KIAA1671: variants seen among roughly 807,000 people sequenced by gnomAD.
The protein encoded by KIAA1671 is KIAA1671.
Under a neutral mutation model 131.2 loss-of-function variants are expected in KIAA1671, and 52 were observed. That is an observed-to-expected ratio of 0.40 (90% CI 0.32 to 0.50). The LOEUF (loss-of-function observed/expected upper bound fraction) is 0.50, where lower values mean the gene tolerates loss of function less well. Ranked by LOEUF, KIAA1671 falls within the 20% of genes least tolerant of loss-of-function variation. The probability of loss-of-function intolerance (pLI) is 0.73; values close to 1 mark genes in which losing one functional copy is unlikely to be tolerated. For synonymous variants in KIAA1671, 1,003 were observed against 961.6 expected (o/e 1.04, Z -0.80); for missense variants, 2,360 against 2,364.2 (o/e 1.00, Z 0.04).
intron 6 of KIAA1671, chr22:25,112,346 T>C (rs921618091): frequency 7.5e-6 from 3 of 398,876 alleles, no homozygotes; most frequent in East Asian, 3.6e-5. Flanking sequence ...GCGTACTTCC[T>C]CCTTCCGACA....
At chr22:25,132,698 T>C (rs1225424083) in intron 6 of KIAA1671, among the ~76,000 whole-genome samples, 1 of 152,196 alleles carries the variant, frequency 6.6e-6, no homozygotes, top group African/African-American at 2.4e-5. Context: ...TGAAGATCCC[T>C]GTTACAGGTT....
chr22:25,112,631 C>A, intron 6 of KIAA1671: 1 of 380,162 alleles, frequency 2.6e-6, no homozygotes, highest in Non-Finnish European at 4.7e-6. Flanking sequence ...GAAAGAGGCA[C>A]GTAGCAATAA....
At chr22:25,088,432 C>G (rs1929849276) in intron 6 of KIAA1671, among the ~76,000 whole-genome samples, 1 of 152,124 alleles carries the variant, frequency 6.6e-6, no homozygotes, top group African/African-American at 2.4e-5. Flanking sequence ...TCCTCAAACA[C>G]TTACTGAGTA....
intron 6 of KIAA1671, among the ~76,000 whole-genome samples, chr22:25,099,694 T>C (rs891187743): frequency 7.9e-5 from 12 of 151,970 alleles, no homozygotes; most frequent in African/African-American, 2.7e-4. Flanking sequence ...TTTGTATTTT[T>C]AGTAGAGATG....
At chr22:25,021,804 T>TGGGG (rs1925683287) in intron 1 of KIAA1671, among the ~76,000 whole-genome samples, 1 of 151,414 alleles carries the variant, frequency 6.6e-6, no homozygotes, top group African/African-American at 2.4e-5. Context: ...ATTTTTTTTT[T>TGGGG]GGGATGGAGT....
chr22:25,044,785 A>G (rs995785616), intron 5 of KIAA1671, among the ~76,000 whole-genome samples: 3 of 152,230 alleles, frequency 2.0e-5, no homozygotes, highest in Non-Finnish European at 4.4e-5. Context: ...ACTTTCCTAT[A>G]TTGACAGTCA....
At chr22:24,992,785 A>G (rs1162276176) in intron 1 of KIAA1671, among the ~76,000 whole-genome samples, 1 of 123,226 alleles carries the variant, frequency 8.1e-6, no homozygotes, top group Non-Finnish European at 1.6e-5. Context: ...ATTGCACTCC[A>G]GCCTAGGTGA....
At chr22:24,965,928 G>C (rs980313622) in intron 1 of KIAA1671, among the ~76,000 whole-genome samples, 3 of 152,162 alleles carry the variant, frequency 2.0e-5, no homozygotes, top group African/African-American at 7.2e-5. Context: ...TTATAGGCCA[G>C]TTCCTCTGAC....
chr22:25,048,593 A>G (rs1037838184), intron 5 of KIAA1671, among the ~76,000 whole-genome samples: 1 of 152,202 alleles, frequency 6.6e-6, no homozygotes, highest in South Asian at 2.1e-4. Flanking sequence ...TGAAGCATAT[A>G]AAATATGCAT....
chr22:25,067,677 C>G (rs1928552655), intron 6 of KIAA1671, among the ~76,000 whole-genome samples: 1 of 152,160 alleles, frequency 6.6e-6, no homozygotes, highest in Non-Finnish European at 1.5e-5. Context: ...TCTCTGGCAT[C>G]CTGTCTGCCT....
intron 6 of KIAA1671, among the ~76,000 whole-genome samples, chr22:25,114,132 G>A (rs1004783071): frequency 2.6e-5 from 4 of 152,176 alleles, no homozygotes; most frequent in Non-Finnish European, 5.9e-5. Context: ...TCCGTGTTGC[G>A]TCGAGATGCC....
Position 25,169,559 on chromosome 22 carries a change from T to G in KIAA1671, c.4531-1261T>G, listed in dbSNP as rs371473204. Among the ~76,000 whole-genome samples the G allele has an allele frequency of 7.9e-5, 12 of 152,330 alleles. No homozygotes were observed. The East Asian group carries it at 1.3e-3, about 17-fold the overall frequency. On this transcript the variant is annotated intron_variant, in intron 6 of 12. Coordinates refer to ENST00000358431, the MANE Select transcript of KIAA1671 (RefSeq NM_001145206.2). ...TTGGTTTTGTCTTGAGGGCACCAGCTTCTCCCCACTCAACAAAGCACAAGC... is the reference window on the plus strand; with the variant it reads ...TTGGTTTTGTCTTGAGGGCACCAGCGTCTCCCCACTCAACAAAGCACAAGC...
At chr22:25,094,476 T>C (rs372079785) in intron 6 of KIAA1671, among the ~76,000 whole-genome samples, 168 of 152,140 alleles carry the variant, frequency 1.1e-3, no homozygotes, top group African/African-American at 3.6e-3. Context: ...AAGCAGGCCC[T>C]GGGGTGGGAA....
At chr22:25,018,233 C>T (rs1211792060) in intron 1 of KIAA1671, among the ~76,000 whole-genome samples, 9 of 152,182 alleles carry the variant, frequency 5.9e-5, no homozygotes, top group Admixed American at 2.6e-4. Flanking sequence ...ACGTTCCCAC[C>T]GCATTCCCTG....
rs777611834 is a variant in KIAA1671 at position 25,127,509 on chromosome 22, C to G, written c.4531-43311C>G. 1.0e-3 allele frequency among the ~76,000 whole-genome samples: 159 copies of G among 152,300 alleles called. 1 individual carries two copies. Among genetic ancestry groups the G allele is most frequent in the Admixed American group, 1.6e-3 (25 of 15,306 alleles). The stretch of plus-strand genomic sequence containing the variant: ...GCAGCCCCATCCTCTTCTTCCCGGC[C>G]TCTTTTGCATCCACTTGGCTTCCCT... On this transcript the variant is annotated intron_variant, in intron 6 of 12. Transcript: ENST00000358431.
intron 11 of KIAA1671, among the ~76,000 whole-genome samples, chr22:25,189,118 G>A (rs1444116338): frequency 6.9e-6 from 1 of 145,060 alleles, no homozygotes; most frequent in East Asian, 2.0e-4. Flanking sequence ...TGGGAGGCCA[G>A]TCTTTTTCTT....
In KIAA1671 at chr22:25,193,519, CT is replaced by C. The variant is rs1934732510; in HGVS notation, c.*1120del. On this transcript the variant is annotated 3_prime_UTR_variant, in exon 13 of 13. Coordinates refer to ENST00000358431, the MANE Select transcript of KIAA1671 (RefSeq NM_001145206.2). ...GCTCACCTCATTTTCCTTCATCTTT[CT>C]TGATGAATCCATTATTTGCAAATGC... 1 of 152,218 alleles carries C rather than the reference CT, an allele frequency of 6.6e-6. No individual in the cohort carries two copies. The highest frequency in any genetic ancestry group is 2.1e-4 in the South Asian group (1 of 4,818). 9.4% of individuals were successfully genotyped at this position (152,218 alleles called of 1,614,324 possible). A position where few individuals can be genotyped will look rare whatever the true frequency, so the allele number is the denominator to read the frequency against.
chr22:25,104,377 A>G (rs1336301064), intron 6 of KIAA1671, among the ~76,000 whole-genome samples: 1 of 152,232 alleles, frequency 6.6e-6, no homozygotes, highest in Non-Finnish European at 1.5e-5. Flanking sequence ...GAAGAGGGTC[A>G]TATGAGTGGG....
chr22:25,142,321 C>T (rs1384759909), intron 6 of KIAA1671, among the ~76,000 whole-genome samples: 2 of 152,180 alleles, frequency 1.3e-5, no homozygotes, highest in African/African-American at 4.8e-5. Context: ...AATCAGCAGT[C>T]TGCACAACTT....
Sources: allele counts gnomAD v4.1 joint callset (sites outside exome capture counted in the v4.1 genomes callset), GRCh38; gene constraint gnomAD v4.1.1; transcripts MANE v1.5; gene names NCBI Gene and HGNC (gene_info 2026-07-23, HGNC 2026-07-21).